Variants in KIF16B observed in about 807,000 individuals in gnomAD.
The protein encoded by KIF16B is kinesin family member 16B.
A neutral mutation model predicts 156.3 loss-of-function variants in KIF16B; 98 were observed. The observed-to-expected ratio is 0.63, with a 90% CI of 0.53 to 0.74. The LOEUF is 0.74. Ranked by LOEUF, KIF16B falls within the 30% of genes least tolerant of loss-of-function variation. The pLI, the probability that KIF16B is intolerant of heterozygous loss-of-function variation, is 0.00. For missense variants in KIF16B, 1,421 were observed against 1,606.5 expected (o/e 0.88, Z 1.97); for synonymous variants, 564 against 583.7 (o/e 0.97, Z 0.49).
At chr20:16,382,258 G>T (rs2065116511) in intron 17 of KIF16B, 5 of 316,400 alleles carry the variant, frequency 1.6e-5, no homozygotes, top group South Asian at 1.5e-4. Flanking sequence ...AGCCATGCAT[G>T]AATTGAAACA....
At chr20:16,569,878 C>T (rs919301415) in intron 1 of KIF16B, among the ~76,000 whole-genome samples, 1 of 151,980 alleles carries the variant, frequency 6.6e-6, no homozygotes, top group African/African-American at 2.4e-5. Flanking sequence ...AAAAAAAAAG[C>T]CTTTCATCTT....
At chr20:16,527,119 G>C (rs1174924300) in intron 2 of KIF16B, among the ~76,000 whole-genome samples, 2 of 152,198 alleles carry the variant, frequency 1.3e-5, no homozygotes, top group Non-Finnish European at 2.9e-5. Context: ...TACCAGCAGG[G>C]AATGGACAAG....
intron 12 of KIF16B, among the ~76,000 whole-genome samples, chr20:16,458,499 A>G (rs1371254137): frequency 6.6e-6 from 1 of 152,232 alleles, no homozygotes. Context: ...TTGATTAATG[A>G]TCTCATGTGT....
Position 16,273,152 on chromosome 20 carries a change from G to C in KIF16B, c.*101C>G, listed in dbSNP as rs1448072127. The C allele has an allele frequency of 2.0e-6, 2 of 983,536 alleles. No homozygotes were observed. The highest frequency in any genetic ancestry group is 3.2e-5 in the African/African-American group (2 of 62,386). The allele number at this position is 983,536 out of a possible 1,614,324, so 60.9% of individuals were successfully genotyped here. On this transcript the variant is annotated 3_prime_UTR_variant, in exon 26 of 26. Transcript: ENST00000354981. ...GCTGCTGCATGTCTGTCTTCAGCAG[G>C]AGGAGGCAGACCCGGATCCTCGCAT...
chr20:16,536,474 T>G (rs773704964), intron 1 of KIF16B, among the ~76,000 whole-genome samples: 1 of 152,146 alleles, frequency 6.6e-6, no homozygotes, highest in African/African-American at 2.4e-5. Flanking sequence ...GTTTTCAGAA[T>G]AGCTAGAAAA....
Position 16,377,150 on chromosome 20 carries a change from G to A in KIF16B, c.3197+1655C>T, listed in dbSNP as rs2064971651. On this transcript the variant is annotated intron_variant, in intron 19 of 25. Coordinates refer to ENST00000354981, the MANE Select transcript of KIF16B (RefSeq NM_024704.5). The stretch of plus-strand genomic sequence containing the variant: ...CCATGCATCAGCTAAATGCCAAGGT[G>A]GGGTCTCCTGGCCAGTACACTGGAC... Among the ~76,000 whole-genome samples, 2 of 152,078 alleles carry A rather than the reference G, an allele frequency of 1.3e-5. 1 individual carries two copies. The highest frequency in any genetic ancestry group is 4.2e-4 in the South Asian group (2 of 4,816).
chr20:16,401,719 G>A (rs981310863), intron 17 of KIF16B, among the ~76,000 whole-genome samples: 3 of 152,136 alleles, frequency 2.0e-5, no homozygotes, highest in Non-Finnish European at 4.4e-5. Context: ...AGGGAAGAGT[G>A]TACCACCTGC....
intron 1 of KIF16B, among the ~76,000 whole-genome samples, chr20:16,530,945 C>T (rs2069725637): frequency 6.6e-6 from 1 of 152,130 alleles, no homozygotes; most frequent in Non-Finnish European, 1.5e-5. Flanking sequence ...AAGCAATCCA[C>T]CCGCCTCGAC....
At chr20:16,304,962 C>T (rs894407077) in intron 25 of KIF16B, among the ~76,000 whole-genome samples, 1 of 151,964 alleles carries the variant, frequency 6.6e-6, no homozygotes, top group Non-Finnish European at 1.5e-5. Context: ...GACTGCTGGC[C>T]GTGGAGTGGT....
intron 12 of KIF16B, among the ~76,000 whole-genome samples, chr20:16,480,191 A>G (rs571111868): frequency 4.6e-5 from 7 of 152,222 alleles, no homozygotes; most frequent in Non-Finnish European, 8.8e-5. Context: ...ATATTCAAAA[A>G]GGAAGAGTAT....
At chr20:16,418,157 T>A (rs566325737) in intron 15 of KIF16B, among the ~76,000 whole-genome samples, 1 of 150,138 alleles carries the variant, frequency 6.7e-6, no homozygotes, top group Non-Finnish European at 1.5e-5. Context: ...TCAAGAAAAA[T>A]AGATGTGATG....
intron 1 of KIF16B, among the ~76,000 whole-genome samples, chr20:16,560,490 G>A (rs2147355080): frequency 6.6e-6 from 1 of 152,298 alleles, no homozygotes; most frequent in South Asian, 2.1e-4. Context: ...CCCATGGAGG[G>A]TTCAGAATCC....
intron 3 of KIF16B, among the ~76,000 whole-genome samples, chr20:16,522,107 C>T (rs1185035002): frequency 6.6e-6 from 1 of 152,136 alleles, no homozygotes; most frequent in Non-Finnish European, 1.5e-5. Flanking sequence ...GAAGAAACTG[C>T]ATCAACTAAT....
intron 15 of KIF16B, among the ~76,000 whole-genome samples, 191 bp from the exon 16 acceptor site, chr20:16,406,647 G>T (rs2065794645): frequency 6.6e-6 from 1 of 152,056 alleles, no homozygotes; most frequent in Admixed American, 6.6e-5. Flanking sequence ...TTTTACAGCT[G>T]AGTGTCACAA....
chr20:16,356,491 C>A, intron 22 of KIF16B, 39 bp from the exon 23 acceptor site: 1 of 1,611,664 alleles, frequency 6.2e-7, no homozygotes, highest in South Asian at 1.1e-5. Flanking sequence ...CAAAGAGAAA[C>A]CAGAATCACT....
intron 25 of KIF16B, among the ~76,000 whole-genome samples, chr20:16,307,796 C>T (rs143225958): frequency 0.01 from 1,582 of 152,126 alleles, 12 homozygotes; most frequent in Middle Eastern, 0.037. Flanking sequence ...ACTGGCAGTT[C>T]GAGAAATAGA....
At chr20:16,475,005 C>A (rs912989571) in intron 12 of KIF16B, among the ~76,000 whole-genome samples, 3 of 152,180 alleles carry the variant, frequency 2.0e-5, no homozygotes, top group African/African-American at 7.2e-5. Flanking sequence ...TCTCACCAAG[C>A]AAGTGTTCGA....
At chr20:16,342,696 C>A (rs543516491) in intron 23 of KIF16B, among the ~76,000 whole-genome samples, 5 of 152,308 alleles carry the variant, frequency 3.3e-5, no homozygotes, top group Non-Finnish European at 4.4e-5. Context: ...CACCTGAATT[C>A]AGGCTAAATA....
chr20:16,483,977 G>T (rs569291247), intron 12 of KIF16B, among the ~76,000 whole-genome samples: 1 of 151,918 alleles, frequency 6.6e-6, no homozygotes, highest in African/African-American at 2.4e-5. Flanking sequence ...TGCAGCATCC[G>T]CTGAGTACAA....
Sources: allele counts gnomAD v4.1 joint callset (sites outside exome capture counted in the v4.1 genomes callset), GRCh38; gene constraint gnomAD v4.1.1; transcripts MANE v1.5; gene names NCBI Gene and HGNC (gene_info 2026-07-23, HGNC 2026-07-21).